The following CTNNA3 variants were observed in gnomAD, a reference collection of about 807,000 sequenced individuals.
CTNNA3 encodes the protein catenin alpha-3.
Under a neutral mutation model 95.7 loss-of-function variants are expected in CTNNA3, and 76 were observed. The observed-to-expected ratio is 0.79, with a 90% CI of 0.66 to 0.96. The LOEUF (loss-of-function observed/expected upper bound fraction) is 0.96. CTNNA3 is among the 40% of genes least tolerant of loss of function. The pLI is 0.00. For synonymous variants in CTNNA3, 431 were observed against 374.4 expected (o/e 1.15, Z -1.74); for missense variants, 1,191 against 1,089.8 (o/e 1.09, Z -1.31).
At chr10:67,687,270 T>C (rs1483852335) in intron 1 of CTNNA3, among the ~76,000 whole-genome samples, 1 of 152,194 alleles carries the variant, frequency 6.6e-6, no homozygotes, top group Non-Finnish European at 1.5e-5. Context: ...TCAGTCCTGT[T>C]GTTGGATCAT....
Position 66,601,947 on chromosome 10 carries a change from T to C in CTNNA3, c.1374+19745A>G, listed in dbSNP as rs113212418. ...AGAATACTCTCTTCTTGAAAAGAAA[T>C]ACAGAAAACCTCTCTAAATCTAAAT... On this transcript the variant is annotated intron_variant, in intron 10 of 17. Transcript: ENST00000433211. Among the ~76,000 whole-genome samples the C allele has an allele frequency of 7.1e-3, 1,077 of 151,990 alleles. 18 individuals are homozygous for C. Among genetic ancestry groups the C allele is most frequent in the African/African-American group, 0.024 (1,013 of 41,506 alleles).
chr10:66,163,117 T>C (rs1444860063), intron 13 of CTNNA3, among the ~76,000 whole-genome samples: 1 of 152,124 alleles, frequency 6.6e-6, no homozygotes, highest in Non-Finnish European at 1.5e-5. Flanking sequence ...GCTTGAAAAC[T>C]TGCCCCAGGC....
intron 15 of CTNNA3, among the ~76,000 whole-genome samples, chr10:66,038,552 C>T (rs2079615366): frequency 6.6e-6 from 1 of 152,128 alleles, no homozygotes; most frequent in African/African-American, 2.4e-5. Flanking sequence ...TTTTTCAGTA[C>T]TGTTACTTGA....
intron 15 of CTNNA3, among the ~76,000 whole-genome samples, chr10:66,033,138 T>TTTC (rs944420626): frequency 6.7e-6 from 1 of 148,336 alleles, no homozygotes; most frequent in African/African-American, 2.5e-5. Flanking sequence ...TTTTTTTCTT[T>TTTC]TTTTTTTTTT....
chr10:67,156,755 A>G lies in CTNNA3; in HGVS notation c.1047+23562T>C, dbSNP rs374232368. ...CTGTGTGCATTTGAGAAGAATGTAT[A>G]TTCTGTTGTTTTTGATGGAATGTTC... On this transcript the variant is annotated intron_variant, in intron 7 of 17. Coordinates refer to ENST00000433211, the MANE Select transcript of CTNNA3 (RefSeq NM_013266.4). Among the ~76,000 whole-genome samples, 201 of 152,152 alleles carry G rather than the reference A, an allele frequency of 1.3e-3. 1 individual carries two copies. The highest frequency in any genetic ancestry group is 4.5e-3 in the African/African-American group (187 of 41,552).
chr10:66,340,410 A>T (rs1215603709), intron 12 of CTNNA3, among the ~76,000 whole-genome samples: 2 of 151,818 alleles, frequency 1.3e-5, no homozygotes, highest in Admixed American at 6.6e-5. Flanking sequence ...CCTAAAATCT[A>T]AACTCTAATT....
At chr10:65,961,785 G>C (rs919244326) in intron 17 of CTNNA3, among the ~76,000 whole-genome samples, 1 of 151,804 alleles carries the variant, frequency 6.6e-6, no homozygotes, top group African/African-American at 2.4e-5. Flanking sequence ...TATTTGAAAG[G>C]GACCTTCTGG....
intron 11 of CTNNA3, among the ~76,000 whole-genome samples, chr10:66,516,064 G>GAAAAAAA (rs5785760): frequency 2.1e-5 from 3 of 141,202 alleles, no homozygotes; most frequent in Admixed American, 7.2e-5. Context: ...TAATTATCTG[G>GAAAAAAA]AAAAAAAAAA....
At chr10:67,564,481 TG>T (rs1484487740) in intron 3 of CTNNA3, among the ~76,000 whole-genome samples, 1 of 87,848 alleles carries the variant, frequency 1.1e-5, no homozygotes, top group East Asian at 3.1e-4. Flanking sequence ...CATCACACAC[TG>T]GGGCCTGTCA....
In CTNNA3 at chr10:67,726,401, AT is replaced by A. The variant is rs1454665181; in HGVS notation, c.-2+37032del. ...ATATATGAAATTATATATATTATAT[AT>A]TATATCATATATAATATTATATATT... On this transcript the variant is annotated intron_variant, in intron 1 of 17. Transcript: ENST00000684154. 5.8e-3 allele frequency among the ~76,000 whole-genome samples: 230 copies of A among 39,644 alleles called. 4 individuals carry two copies. Among genetic ancestry groups the A allele is most frequent in the African/African-American group, 0.033 (202 of 6,198 alleles). The allele number at this position is 39,644 out of a possible 152,430, so 26.0% of individuals were successfully genotyped here.
chr10:66,690,030 C>T (rs1847458129), intron 9 of CTNNA3, among the ~76,000 whole-genome samples: 1 of 151,986 alleles, frequency 6.6e-6, no homozygotes, highest in Admixed American at 6.6e-5. Context: ...AACAAAAGGA[C>T]AAAGCTGATG....
chr10:67,584,666 G>A (rs1281066362), intron 3 of CTNNA3, among the ~76,000 whole-genome samples: 2 of 152,204 alleles, frequency 1.3e-5, no homozygotes, highest in East Asian at 3.9e-4. Flanking sequence ...GCCCCCAGAG[G>A]TGGAGTCTAC....
At chr10:66,214,124 C>T (rs1054385921) in intron 13 of CTNNA3, among the ~76,000 whole-genome samples, 5 of 152,170 alleles carry the variant, frequency 3.3e-5, no homozygotes, top group African/African-American at 1.2e-4. Context: ...GCCAGGGATG[C>T]TAGCAGCCTG....
chr10:66,175,339 T>G (rs1276685522), intron 13 of CTNNA3, among the ~76,000 whole-genome samples: 1 of 152,184 alleles, frequency 6.6e-6, no homozygotes, highest in Non-Finnish European at 1.5e-5. Flanking sequence ...AGATACAGAC[T>G]ATGAATAGAA....
At chr10:66,915,290 C>A (rs1191718134) in intron 7 of CTNNA3, among the ~76,000 whole-genome samples, 1 of 151,012 alleles carries the variant, frequency 6.6e-6, no homozygotes, top group Non-Finnish European at 1.5e-5. Flanking sequence ...ATAGATCATA[C>A]ACAAAGAAAT....
chr10:67,173,181 T>G (rs1053699155), intron 7 of CTNNA3, among the ~76,000 whole-genome samples: 1 of 152,190 alleles, frequency 6.6e-6, no homozygotes, highest in African/African-American at 2.4e-5. Flanking sequence ...TAGTGAATAA[T>G]GTGGTGCTTC....
chr10:66,470,310 T>C (rs1410045889), intron 11 of CTNNA3, among the ~76,000 whole-genome samples: 1 of 151,864 alleles, frequency 6.6e-6, no homozygotes, highest in Non-Finnish European at 1.5e-5. Context: ...GTTTGAAGAC[T>C]GTGGAGAAGG....
Position 65,930,292 on chromosome 10 carries a change from A to G in CTNNA3, c.2401-9675T>C, listed in dbSNP as rs1445937452. The stretch of plus-strand genomic sequence containing the variant: ...AAGAAATTAATTATATAGGCAACGG[A>G]AAAACTAAGAAGCCAAATGTAAAGC... On this transcript the variant is annotated intron_variant, in intron 17 of 17. Coordinates refer to ENST00000433211, the MANE Select transcript of CTNNA3 (RefSeq NM_013266.4). Among the ~76,000 whole-genome samples the G allele has an allele frequency of 2.6e-5, 4 of 152,180 alleles. No homozygotes were observed. In the South Asian group the frequency reaches 8.3e-4, roughly 32 times the overall value.
chr10:66,283,166 G>A (rs1008089999), intron 12 of CTNNA3, among the ~76,000 whole-genome samples: 3 of 151,686 alleles, frequency 2.0e-5, no homozygotes, highest in African/African-American at 2.4e-5. Context: ...CAAACCAACC[G>A]TCAAAACTAC....
Sources: gnomAD v4.1 joint callset for allele counts (sites outside exome capture counted in the v4.1 genomes callset) on GRCh38, gnomAD v4.1.1 for gene constraint, MANE v1.5 for transcripts, NCBI Gene and HGNC (gene_info 2026-07-23, HGNC 2026-07-21) for gene names.